The following TRIM59 variants were observed in gnomAD, a reference collection of about 807,000 sequenced individuals.
TRIM59 encodes the protein tripartite motif containing 59.
Under a neutral mutation model 32.2 loss-of-function variants are expected in TRIM59, and 14 were observed. The ratio of observed to expected loss-of-function variants is 0.43; its 90% confidence interval spans 0.29 to 0.68. The LOEUF (loss-of-function observed/expected upper bound fraction) is 0.68, where lower values mean the gene tolerates loss of function less well. Ranked by LOEUF, TRIM59 falls within the 30% of genes least tolerant of loss-of-function variation. TRIM59 has a pLI of 0.15. For missense variants in TRIM59, 471 were observed against 463.3 expected (o/e 1.02, Z -0.15); for synonymous variants, 163 against 155.1 (o/e 1.05, Z -0.38).
chr3:160,437,759 C>G lies in TRIM59; in HGVS notation c.*213G>C. On this transcript the variant is annotated 3_prime_UTR_variant, in exon 3 of 3. Transcript: ENST00000309784. ...AAAAATGGGATAGTGTATTACTTTT[C>G]AAATTGTTACTAGATTCTGTTTCCC... 8.2e-7 allele frequency: 1 copy of G among 1,217,082 alleles called. No individual in the cohort carries two copies. The highest frequency in any genetic ancestry group is 3.6e-5 in the South Asian group (1 of 27,982). 75.4% of individuals were successfully genotyped at this position (1,217,082 alleles called of 1,614,324 possible). A position where few individuals can be genotyped will look rare whatever the true frequency, so the allele number is the denominator to read the frequency against.
intron 2 of TRIM59, among the ~76,000 whole-genome samples, chr3:160,442,482 T>A (rs1719305912): frequency 6.7e-6 from 1 of 150,072 alleles, no homozygotes; most frequent in African/African-American, 2.5e-5. Context: ...TCCCAGCTAC[T>A]CGGGAAGCTG....
At chr3:160,441,704 A>G (rs1411505070) in intron 2 of TRIM59, among the ~76,000 whole-genome samples, 3 of 150,342 alleles carry the variant, frequency 2.0e-5, no homozygotes, top group South Asian at 4.2e-4. Context: ...CAGTGAGCCA[A>G]GTTCACACCA....
chr3:160,436,140 G>A lies in TRIM59; in HGVS notation c.*1832C>T. 9.6e-7 allele frequency: 1 copy of A among 1,043,578 alleles called. No homozygotes were observed. Among genetic ancestry groups the A allele is most frequent in the Non-Finnish European group, 1.2e-6 (1 of 863,478 alleles). 64.6% of individuals were successfully genotyped at this position (1,043,578 alleles called of 1,614,324 possible). ...CAATAGTTAATTGTGCTAGGTATAAGTCTGATTCTAATAATAAATTGATAT... is the reference window on the plus strand; with the variant it reads ...CAATAGTTAATTGTGCTAGGTATAAATCTGATTCTAATAATAAATTGATAT... On this transcript the variant is annotated 3_prime_UTR_variant, in exon 3 of 3. Transcript: ENST00000309784.
intron 1 of TRIM59, 112 bp from the exon 2 acceptor site, chr3:160,448,907 T>G (rs1274635600): frequency 3.9e-5 from 21 of 539,652 alleles, no homozygotes; most frequent in Non-Finnish European, 1.7e-5. Flanking sequence ...TTCATCGTGT[T>G]TTCAGAAAAG....
In TRIM59 at chr3:160,438,353, A is replaced by G. The variant is rs771708513; in HGVS notation, c.831T>C (p.Ile277=). Reference sequence around the variant, plus strand: ...TCAATATTTTGCTTACTCGAGGATAAATTTCAACGGGTTGAACCTCAGGAA... The same window carrying G: ...TCAATATTTTGCTTACTCGAGGATAGATTTCAACGGGTTGAACCTCAGGAA... ...RPLPEVQPVE[I]YPRVSKILKE... is the part of the protein sequence containing the mutation. Residue 277 remains isoleucine (I), a synonymous_variant, in exon 3 of 3, where the codon ATT becomes ATC. Coordinates refer to ENST00000309784, the MANE Select transcript of TRIM59 (RefSeq NM_173084.3). The G allele has an allele frequency of 3.7e-6, 6 of 1,613,530 alleles. No homozygotes were observed. In the South Asian group the frequency reaches 5.5e-5, roughly 15 times the overall value.
At chr3:160,442,784 G>A (rs977511438) in intron 2 of TRIM59, among the ~76,000 whole-genome samples, 7 of 152,050 alleles carry the variant, frequency 4.6e-5, no homozygotes, top group Admixed American at 6.6e-5. Context: ...ACTTTGTAAG[G>A]TCAGGAACTT....
rs1341117186 is a variant in TRIM59, at chr3:160,449,742, C to T, written c.-99G>A. On this transcript the variant is annotated 5_prime_UTR_variant, in exon 1 of 3. Coordinates refer to ENST00000309784, the MANE Select transcript of TRIM59 (RefSeq NM_173084.3). ...CGCGGGGAGGAAGCGGACCAGGCAA[C>T]TCCACAGCACGGAAACACAGCGCCA... 1 of 1,289,590 alleles carries T rather than the reference C, an allele frequency of 7.8e-7. No individual in the cohort carries two copies. The highest frequency in any genetic ancestry group is 1.2e-5 in the South Asian group (1 of 81,022). 79.9% of individuals were successfully genotyped at this position (1,289,590 alleles called of 1,614,324 possible). A position where few individuals can be genotyped will look rare whatever the true frequency, so the allele number is the denominator to read the frequency against.
At chr3:160,446,839 G>C (rs1719561898) in intron 2 of TRIM59, among the ~76,000 whole-genome samples, 1 of 152,172 alleles carries the variant, frequency 6.6e-6, no homozygotes, top group East Asian at 1.9e-4. Flanking sequence ...CTAGGTTGTG[G>C]CTCACTGTGA....
chr3:160,438,891 G>C lies in TRIM59; in HGVS notation c.293C>G (p.Pro98Arg). 6.2e-7 allele frequency: 1 copy of C among 1,614,026 alleles called. No individual in the cohort carries two copies. The highest frequency in any genetic ancestry group is 8.5e-7 in the Non-Finnish European group (1 of 1,179,952). ...ATTTAATGGTTGCCTGTAATGTTCA[G>C]GGCAGGTGACAATATCTGGATGGTC... is the stretch of plus-strand genomic sequence containing the variant. The part of the protein sequence containing the change: ...QEDHPDIVTC[P>R]EHYRQPLNVY... The change falls in exon 3 of 3, where the codon CCT (proline) becomes CGT (arginine). Residue 98 changes from proline (P) to arginine (R), a missense_variant. Pro to Arg is a moderately radical substitution (Grantham distance 103). Transcript: ENST00000309784.
At position 160,436,989 on chromosome 3, in the gene TRIM59, T is replaced by C; in HGVS notation, c.*983A>G. 1.0e-6 allele frequency: 1 copy of C among 985,150 alleles called. No individual in the cohort carries two copies. Among genetic ancestry groups the C allele is most frequent in the Middle Eastern group, 5.2e-4 (1 of 1,914 alleles). The allele number at this position is 985,150 out of a possible 1,614,324, so 61.0% of individuals were successfully genotyped here. A position where few individuals can be genotyped will look rare whatever the true frequency, so the allele number is the denominator to read the frequency against. ...AATGAGTTTTTAATCCAAGAACTGA[T>C]TTGACTGACGAGCAGAAAAAAAAAC... On this transcript the variant is annotated 3_prime_UTR_variant, in exon 3 of 3. Coordinates refer to ENST00000309784, the MANE Select transcript of TRIM59 (RefSeq NM_173084.3).
rs564812170 is a variant in TRIM59 at position 160,436,499 on chromosome 3, T to A, written c.*1473A>T. Reference sequence around the variant, plus strand: ...AATTGGCCCTCTTAAGCAAAGCTAATAAAAGATTAAGTTGTTGGGCCGGGC... The same window carrying A: ...AATTGGCCCTCTTAAGCAAAGCTAAAAAAAGATTAAGTTGTTGGGCCGGGC... On this transcript the variant is annotated 3_prime_UTR_variant, in exon 3 of 3. Coordinates refer to ENST00000309784, the MANE Select transcript of TRIM59 (RefSeq NM_173084.3). 197 of 985,676 alleles carry A rather than the reference T, an allele frequency of 2.0e-4. No individual in the cohort carries two copies. The highest frequency in any genetic ancestry group is 2.3e-4 in the Non-Finnish European group (192 of 829,984). 61.1% of individuals were successfully genotyped at this position (985,676 alleles called of 1,614,324 possible).
At position 160,436,426 on chromosome 3, in the gene TRIM59, G is replaced by A. The variant is rs1451089292; in HGVS notation, c.*1546C>T. On this transcript the variant is annotated 3_prime_UTR_variant, in exon 3 of 3. Transcript: ENST00000309784. ...CAGTGGGCCAAAAGTCGTAACACAT[G>A]CATCATAACTCCAGTCCCTGTTAAA... The A allele has an allele frequency of 3.0e-6, 3 of 985,794 alleles. No individual in the cohort carries two copies. Among genetic ancestry groups the A allele is most frequent in the Non-Finnish European group, 3.6e-6 (3 of 829,986 alleles). The allele number at this position is 985,794 out of a possible 1,614,324, so 61.1% of individuals were successfully genotyped here.
chr3:160,437,798 T>C lies in TRIM59; in HGVS notation c.*174A>G. The C allele has an allele frequency of 1.6e-6, 2 of 1,256,682 alleles. No homozygotes were observed. The highest frequency in any genetic ancestry group is 2.0e-6 in the Non-Finnish European group (2 of 1,002,966). 77.8% of individuals were successfully genotyped at this position (1,256,682 alleles called of 1,614,324 possible). On this transcript the variant is annotated 3_prime_UTR_variant, in exon 3 of 3. Transcript: ENST00000309784. ...ATTCTGTTTCCCAAAGATTTGACTA[T>C]TTCAGATATAACTTTGACATATCAT...
intron 2 of TRIM59, chr3:160,447,881 T>TA (rs1195618780): frequency 6.6e-6 from 1 of 152,226 alleles, no homozygotes; most frequent in Non-Finnish European, 1.5e-5. Context: ...AGTCAAGACT[T>TA]ACTTAAGAAA....
chr3:160,447,216 G>C (rs1262485032), intron 2 of TRIM59, among the ~76,000 whole-genome samples: 2 of 151,872 alleles, frequency 1.3e-5, no homozygotes, highest in Non-Finnish European at 2.9e-5. Context: ...AAATGAATTT[G>C]AATCAATTTA....
chr3:160,441,805 A>C (rs976071135), intron 2 of TRIM59, among the ~76,000 whole-genome samples: 2 of 152,088 alleles, frequency 1.3e-5, no homozygotes, highest in African/African-American at 4.8e-5. Context: ...ATTCAAACTG[A>C]CAATATTCAG....
intron 2 of TRIM59, among the ~76,000 whole-genome samples, chr3:160,439,663 C>T (rs1470330227): frequency 6.6e-6 from 1 of 152,130 alleles, no homozygotes; most frequent in Admixed American, 6.6e-5. Flanking sequence ...TTCACTCATT[C>T]TCTTTTCTTG....
chr3:160,437,830 C>A lies in TRIM59; in HGVS notation c.*142G>T. The A allele has an allele frequency of 2.3e-6, 3 of 1,282,442 alleles. No homozygotes were observed. The highest frequency in any genetic ancestry group is 3.1e-5 in the South Asian group (1 of 31,926). The allele number at this position is 1,282,442 out of a possible 1,614,324, so 79.4% of individuals were successfully genotyped here. A position where few individuals can be genotyped will look rare whatever the true frequency, so the allele number is the denominator to read the frequency against. ...TATAACTTTGACATATCATTGCTAA[C>A]CAAAAGAAGCAACAAATATAAACAT... On this transcript the variant is annotated 3_prime_UTR_variant, in exon 3 of 3. Coordinates refer to ENST00000309784, the MANE Select transcript of TRIM59 (RefSeq NM_173084.3).
chr3:160,439,400 T>G (rs1468926622), intron 2 of TRIM59, among the ~76,000 whole-genome samples: 1 of 152,190 alleles, frequency 6.6e-6, no homozygotes, highest in African/African-American at 2.4e-5. Flanking sequence ...GGGACCAAAA[T>G]CATCCCAAAC....
Sources: allele counts gnomAD v4.1 joint callset (sites outside exome capture counted in the v4.1 genomes callset), GRCh38; gene constraint gnomAD v4.1.1; transcripts MANE v1.5; gene names NCBI Gene and HGNC (gene_info 2026-07-23, HGNC 2026-07-21).